MAPK9: variants seen among roughly 807,000 people sequenced by gnomAD.
The protein encoded by MAPK9 is Jun kinase.
A neutral mutation model predicts 57.1 loss-of-function variants in MAPK9; 30 were observed. That is an observed-to-expected ratio of 0.53 (90% CI 0.39 to 0.71). The LOEUF (loss-of-function observed/expected upper bound fraction) is 0.71. MAPK9 is among the 30% of genes least tolerant of loss of function. MAPK9 has a pLI of 0.00. For synonymous variants in MAPK9, 155 were observed against 177.0 expected, an observed-to-expected ratio of 0.88 and a Z score of 0.99; for missense variants, 362 against 521.0, an observed-to-expected ratio of 0.69 and a Z score of 2.97.
At chr5:180,287,654 T>C (rs764150691) in intron 1 of MAPK9, among the ~76,000 whole-genome samples, 1 of 152,140 alleles carries the variant, frequency 6.6e-6, no homozygotes, top group African/African-American at 2.4e-5. Flanking sequence ...TTGAAATGAC[T>C]TCCCTCCCCT....
chr5:180,257,597 T>C (rs929570553), intron 5 of MAPK9: 6 of 152,252 alleles, frequency 3.9e-5, no homozygotes, highest in African/African-American at 1.4e-4. Context: ...CAGGAGGCCC[T>C]AGGTGGCTCT....
At chr5:180,279,949 CATCCCTTCCTGGTTA>C (rs745368708) in intron 2 of MAPK9, 27 of 456,684 alleles carry the variant, frequency 5.9e-5, no homozygotes, top group South Asian at 4.0e-4. Context: ...CCTCACACAG[CATCCCTTCCTGGTTA>C]ATCCATGGAG....
At chr5:180,258,127 G>A (rs558899158) in intron 5 of MAPK9, 24 of 152,274 alleles carry the variant, frequency 1.6e-4, no homozygotes, top group African/African-American at 5.3e-4. Context: ...AATTTACAAC[G>A]GAGAAAAACC....
At chr5:180,238,304 C>A (rs2127573389) in intron 11 of MAPK9, 28 bp downstream of exon 11, 1 of 1,565,046 alleles carries the variant, frequency 6.4e-7, no homozygotes. Context: ...AGAAAAATAT[C>A]ATACAATCAA....
chr5:180,277,434 G>A (rs1424173940), intron 2 of MAPK9, among the ~76,000 whole-genome samples: 1 of 152,176 alleles, frequency 6.6e-6, no homozygotes, highest in Non-Finnish European at 1.5e-5. Context: ...CTCTGACTAT[G>A]ACCTTCCTGT....
chr5:180,257,005 G>T (rs1386325411), intron 5 of MAPK9, among the ~76,000 whole-genome samples: 2 of 152,208 alleles, frequency 1.3e-5, no homozygotes, highest in African/African-American at 4.8e-5. Flanking sequence ...GGTACATCAG[G>T]AGATCTTTAA....
intron 10 of MAPK9, 105 bp downstream of exon 10, chr5:180,239,819 T>A (rs1757502912): frequency 1.8e-6 from 2 of 1,114,426 alleles, no homozygotes; most frequent in African/African-American, 3.1e-5. Flanking sequence ...GGTCGCAGGG[T>A]TTCTTGCCCC....
chr5:180,236,519 T>A lies in MAPK9; in HGVS notation c.1140A>T (p.Ala380=), dbSNP rs780334320. The change falls in exon 12 of 12, where the codon GCA becomes GCT. Residue 380 remains alanine, a synonymous_variant. Transcript: ENST00000452135. ...GAGAAGGAGTGGCGTTGCTACTTAC[T>A]GCTGCATCTGTGCTAAGAAAACCAA... The part of the protein sequence containing the change: ...GVVKDQPSDA[A]VSSNATPSQS... 6.2e-7 allele frequency: 1 copy of A among 1,613,870 alleles called. No individual in the cohort carries two copies. Among genetic ancestry groups the A allele is most frequent in the Non-Finnish European group, 8.5e-7 (1 of 1,179,804 alleles).
intron 3 of MAPK9, among the ~76,000 whole-genome samples, chr5:180,268,102 G>T (rs908484325): frequency 1.3e-5 from 2 of 152,094 alleles, no homozygotes; most frequent in Non-Finnish European, 2.9e-5. Context: ...GGGATTACAG[G>T]CGTGAGCCAC....
intron 2 of MAPK9, among the ~76,000 whole-genome samples, chr5:180,270,216 C>T (rs2127606990): frequency 6.6e-6 from 1 of 152,294 alleles, no homozygotes; most frequent in Non-Finnish European, 1.5e-5. Context: ...AGAACCTAAG[C>T]ACTGATTTAA....
intron 1 of MAPK9, among the ~76,000 whole-genome samples, chr5:180,288,834 T>G (rs1234216172): frequency 6.6e-6 from 1 of 152,232 alleles, no homozygotes; most frequent in Non-Finnish European, 1.5e-5. Context: ...TGCAAGTGGA[T>G]ACCATTAGAG....
At chr5:180,289,481 A>C (rs1763046192) in intron 1 of MAPK9, among the ~76,000 whole-genome samples, 1 of 152,222 alleles carries the variant, frequency 6.6e-6, no homozygotes, top group Non-Finnish European at 1.5e-5. Context: ...AACAAGTTAA[A>C]AGCCAAAAGA....
At position 180,241,174 on chromosome 5, in the gene MAPK9, T is replaced by C; in HGVS notation, c.872-19A>G. ...TGACTTGCTAGGGTGACAACAAATATTAAATTAATGCTGTTAATATGAAAC... is the reference window on the plus strand; with the variant it reads ...TGACTTGCTAGGGTGACAACAAATACTAAATTAATGCTGTTAATATGAAAC... On this transcript the variant is annotated intron_variant, in intron 8 of 11. Transcript: ENST00000452135. 5 of 1,605,338 alleles carry C rather than the reference T, an allele frequency of 3.1e-6. No homozygotes were observed. Among genetic ancestry groups the C allele is most frequent in the Non-Finnish European group, 4.3e-6 (5 of 1,175,378 alleles).
At chr5:180,275,323 C>T (rs1761716532) in intron 2 of MAPK9, among the ~76,000 whole-genome samples, 1 of 152,166 alleles carries the variant, frequency 6.6e-6, no homozygotes. Flanking sequence ...TACCCCCATA[C>T]AAGTTCAGCA....
intron 2 of MAPK9, among the ~76,000 whole-genome samples, chr5:180,278,741 A>T (rs2127619244): frequency 6.6e-6 from 1 of 152,102 alleles, no homozygotes. Flanking sequence ...GTCTATAGCC[A>T]CAAACAACTC....
chr5:180,280,991 G>A (rs143980130), intron 1 of MAPK9, among the ~76,000 whole-genome samples: 147 of 152,294 alleles, frequency 9.7e-4, no homozygotes, highest in Non-Finnish European at 1.6e-3. Context: ...GTCTAGAGAC[G>A]GAGGCATTGT....
chr5:180,269,088 G>A (rs190606133), intron 3 of MAPK9, among the ~76,000 whole-genome samples, 192 bp downstream of exon 3: 14 of 150,610 alleles, frequency 9.3e-5, no homozygotes, highest in East Asian at 3.9e-4. Flanking sequence ...GCAGAGAGCC[G>A]AGACTGCGCC....
In MAPK9 at chr5:180,241,327, C is replaced by T. The variant is rs117795798; in HGVS notation, c.872-172G>A. Reference sequence around the variant, plus strand: ...AAATTTTTTTTTTTTTTTTCGGAGACGGAGTCTCGCTCTGTCGCCCAATGC... The same window carrying T: ...AAATTTTTTTTTTTTTTTTCGGAGATGGAGTCTCGCTCTGTCGCCCAATGC... On this transcript the variant is annotated intron_variant, in intron 8 of 11. Coordinates refer to ENST00000452135, the MANE Select transcript of MAPK9 (RefSeq NM_002752.5). 6.2e-3 allele frequency among the ~76,000 whole-genome samples: 910 copies of T among 147,766 alleles called. 20 individuals carry two copies. Among genetic ancestry groups the T allele is most frequent in the South Asian group, 0.057 (267 of 4,700 alleles).
At position 180,247,319 on chromosome 5, in the gene MAPK9, A is replaced by T; in HGVS notation, c.688+120T>A. ...TAACAAATACAGTAAAGCCCCCCTT[A>T]GAACACAGTCTGGAGTGGATTTTAC... On this transcript the variant is annotated intron_variant, in intron 7 of 11. Coordinates refer to ENST00000452135, the MANE Select transcript of MAPK9 (RefSeq NM_002752.5). The surrounding 1 kb of genome is among the most constrained non-coding windows in gnomAD (Gnocchi z 4.5). 1.9e-6 allele frequency: 2 copies of T among 1,080,060 alleles called. No individual in the cohort carries two copies. Among genetic ancestry groups the T allele is most frequent in the African/African-American group, 1.6e-5 (1 of 64,070 alleles). The allele number at this position is 1,080,060 out of a possible 1,614,324, so 66.9% of individuals were successfully genotyped here.
Sources: allele counts gnomAD v4.1 joint callset (sites outside exome capture counted in the v4.1 genomes callset), GRCh38; gene constraint gnomAD v4.1.1; non-coding constraint Gnocchi (gnomAD v3.1); transcripts MANE v1.5; gene names NCBI Gene and HGNC (gene_info 2026-07-23, HGNC 2026-07-21).